GCG: variants seen among roughly 807,000 people sequenced by gnomAD.
GCG encodes the protein glucagon.
Under a neutral mutation model 22.8 loss-of-function variants are expected in GCG, and 11 were observed. That is an observed-to-expected ratio of 0.48 (90% CI 0.30 to 0.80). GCG has a LOEUF of 0.80. Among genes scored for constraint, GCG ranks in the 30% least tolerant of loss-of-function variants. The pLI is 0.06. For synonymous variants in GCG, 89 were observed against 72.4 expected (o/e 1.23, Z -1.16); for missense variants, 222 against 222.0 (o/e 1.00, Z 0.00).
At position 162,144,067 on chromosome 2, in the gene GCG, C is replaced by T. The variant is rs779177891; in HGVS notation, c.496G>A (p.Asp166Asn). The change falls in exon 5 of 6, where the codon GAC (aspartate) becomes AAC (asparagine). Residue 166 changes from aspartate to asparagine, a missense_variant. Coordinates refer to ENST00000418842, the MANE Select transcript of GCG (RefSeq NM_002054.5). ...NTILDNLAAR[D>N]FINWLIQTKI... Reference sequence around the variant, plus strand: ...GTCTGAATCAACCAGTTTATAAAGTCCCTGGCGGCAAGATTATCAAGAATG... The same window carrying T: ...GTCTGAATCAACCAGTTTATAAAGTTCCTGGCGGCAAGATTATCAAGAATG... The T allele has an allele frequency of 6.2e-7, 1 of 1,613,116 alleles. No homozygotes were observed. Among genetic ancestry groups the T allele is most frequent in the Non-Finnish European group, 8.5e-7 (1 of 1,179,282 alleles).
In GCG at chr2:162,143,260, T is replaced by G. The variant is rs1033902909; in HGVS notation, c.*104A>C. 7.9e-5 allele frequency: 38 copies of G among 482,512 alleles called. No homozygotes were observed. The highest frequency in any genetic ancestry group is 6.8e-4 in the African/African-American group (34 of 49,894). The allele number at this position is 482,512 out of a possible 1,614,324, so 29.9% of individuals were successfully genotyped here. A position where few individuals can be genotyped will look rare whatever the true frequency, so the allele number is the denominator to read the frequency against. On this transcript the variant is annotated 3_prime_UTR_variant, in exon 6 of 6. Coordinates refer to ENST00000418842, the MANE Select transcript of GCG (RefSeq NM_002054.5). ...ATTTATTTATTGGCATGCAAAGCAA[T>G]GTGGCCTCAGAATACACCTCTTAAA...
At chr2:162,146,271 C>G (rs1427731691) in intron 3 of GCG, among the ~76,000 whole-genome samples, 2 of 152,138 alleles carry the variant, frequency 1.3e-5, no homozygotes, top group African/African-American at 4.8e-5. Flanking sequence ...CCCATATCAC[C>G]TCATTTTAAA....
At chr2:162,145,163 GT>G (rs1317348729) in intron 4 of GCG, 3 of 158,856 alleles carry the variant, frequency 1.9e-5, no homozygotes, top group Non-Finnish European at 4.1e-5. Context: ...CATATTTGAA[GT>G]TTTCAGCACT....
In GCG at chr2:162,149,124, A is replaced by G; in HGVS notation, c.55T>C (p.Trp19Arg). The G allele has an allele frequency of 6.2e-7, 1 of 1,612,610 alleles. No individual in the cohort carries two copies. The highest frequency in any genetic ancestry group is 8.5e-7 in the Non-Finnish European group (1 of 1,178,838). Residue 19 changes from tryptophan to arginine, a missense_variant, in exon 2 of 6, where the codon TGG becomes CGG. Physicochemically the swap from Trp to Arg is moderately radical, Grantham distance 101. Coordinates refer to ENST00000418842, the MANE Select transcript of GCG (RefSeq NM_002054.5). ...GLFVMLVQGS[W>R]QRSLQDTEEK... ...TCTGTGTCTTGAAGGGAACGTTGCC[A>G]GCTGCCTTGTACCAGCATTACAAAT...
rs1273867774 is a variant in GCG, at chr2:162,144,144, TCAA to T, written c.416_418del (p.Val139del). 6.2e-7 allele frequency: 1 copy of T among 1,612,056 alleles called. No homozygotes were observed. The highest frequency in any genetic ancestry group is 1.7e-5 in the Admixed American group (1 of 59,976). ...ATCAGCATGTCTGCGGCCAAGTTCTTCAACAATGGCGACCTCTTCTGGGAAACT... is the reference window on the plus strand; with the variant it reads ...ATCAGCATGTCTGCGGCCAAGTTCTTCAATGGCGACCTCTTCTGGGAAACT... On this transcript the variant is annotated inframe_deletion, in exon 5 of 6. Transcript: ENST00000418842.
chr2:162,149,916 A>G (rs1233863268), intron 1 of GCG, among the ~76,000 whole-genome samples: 4 of 152,140 alleles, frequency 2.6e-5, no homozygotes, highest in Admixed American at 6.6e-5. Flanking sequence ...TGTAAAAAAA[A>G]ATTAGAGCTT....
intron 4 of GCG, chr2:162,144,832 A>T (rs1203630709): frequency 6.6e-6 from 1 of 152,156 alleles, no homozygotes; most frequent in Admixed American, 6.6e-5. Context: ...CTCCAAAAAA[A>T]ATCGGAAGAA....
intron 1 of GCG, among the ~76,000 whole-genome samples, chr2:162,151,503 T>A (rs181811749): frequency 1.3e-5 from 2 of 152,130 alleles, no homozygotes; most frequent in Non-Finnish European, 2.9e-5. Context: ...CTATTTATCC[T>A]CAATACATAG....
At chr2:162,144,232 T>C (rs1265444696) in intron 4 of GCG, 62 bp from the exon 5 acceptor site, 1 of 1,242,538 alleles carries the variant, frequency 8.0e-7, no homozygotes. Context: ...GATCACAGAT[T>C]GTCTACCACT....
chr2:162,145,608 A>C lies in GCG; in HGVS notation c.324T>G (p.Ser108Arg). The C allele has an allele frequency of 6.2e-7, 1 of 1,611,738 alleles. No homozygotes were observed. Among genetic ancestry groups the C allele is most frequent in the Non-Finnish European group, 8.5e-7 (1 of 1,178,518 alleles). ...TGGCAGCTTGGCCTTCCAAATAAGA[A>C]CTTACATCACTGGTAAAGGTCCCTT... ...HAEGTFTSDV[S>R]SYLEGQAAKE... The change falls in exon 4 of 6, where the codon AGT (serine) becomes AGG (arginine). Residue 108 changes from serine to arginine, a missense_variant. Ser to Arg is a moderately radical substitution (Grantham distance 110). Transcript: ENST00000418842.
Position 162,143,120 on chromosome 2 carries a change from A to G in GCG, c.*244T>C, listed in dbSNP as rs11552339. 7 of 366,300 alleles carry G rather than the reference A, an allele frequency of 1.9e-5. No individual in the cohort carries two copies. Among genetic ancestry groups the G allele is most frequent in the Non-Finnish European group, 3.5e-5 (7 of 198,974 alleles). 22.7% of individuals were successfully genotyped at this position (366,300 alleles called of 1,614,324 possible). ...AACAGGTTGGGGTACTTCATCCAAA[A>G]TAAGAAGAAAATAACAGAATCTAGC... On this transcript the variant is annotated 3_prime_UTR_variant, in exon 6 of 6. Transcript: ENST00000418842.
chr2:162,147,033 G>C (rs1002566192), intron 3 of GCG, among the ~76,000 whole-genome samples: 1 of 152,058 alleles, frequency 6.6e-6, no homozygotes, highest in African/African-American at 2.4e-5. Context: ...AATTAGATTG[G>C]TAACCTCGTA....
Position 162,145,602 on chromosome 2 carries a change from A to G in GCG, c.330T>C (p.Tyr110=), listed in dbSNP as rs766623256. ...ATTCCTTGGCAGCTTGGCCTTCCAA[A>G]TAAGAACTTACATCACTGGTAAAGG... ...EGTFTSDVSS[Y]LEGQAAKEFI... is the part of the protein sequence containing the mutation. Residue 110 remains tyrosine, a synonymous_variant, in exon 4 of 6, where the codon TAT becomes TAC. Coordinates refer to ENST00000418842, the MANE Select transcript of GCG (RefSeq NM_002054.5). The G allele has an allele frequency of 5.0e-6, 8 of 1,612,402 alleles. No individual in the cohort carries two copies. The highest frequency in any genetic ancestry group is 3.3e-5 in the Admixed American group (2 of 59,878).
chr2:162,149,908 T>TA (rs889131925), intron 1 of GCG, among the ~76,000 whole-genome samples: 3 of 151,446 alleles, frequency 2.0e-5, no homozygotes, highest in Admixed American at 6.6e-5. Context: ...GATTACTATG[T>TA]AAAAAAAAAT....
intron 2 of GCG, among the ~76,000 whole-genome samples, chr2:162,148,381 A>G (rs1178006935): frequency 6.6e-6 from 1 of 152,174 alleles, no homozygotes; most frequent in African/African-American, 2.4e-5. Context: ...TTTGTGGAAT[A>G]AATTTTAAGA....
At chr2:162,143,424 TTAA>T in intron 5 of GCG, 54 bp from the exon 6 acceptor site, 1 of 693,728 alleles carries the variant, frequency 1.4e-6, no homozygotes, top group Non-Finnish European at 2.4e-6. Context: ...GATGATATCA[TTAA>T]CTTATCCAGA....
intron 2 of GCG, among the ~76,000 whole-genome samples, 197 bp downstream of exon 2, chr2:162,148,890 C>T (rs1686762073): frequency 6.6e-6 from 1 of 150,836 alleles, no homozygotes; most frequent in Admixed American, 6.6e-5. Flanking sequence ...ACATTTCTCT[C>T]CCCTTTTATT....
chr2:162,145,709 C>T (rs1318364948), intron 3 of GCG, 32 bp from the exon 4 acceptor site: 1 of 1,598,964 alleles, frequency 6.3e-7, no homozygotes, highest in Non-Finnish European at 8.5e-7. Flanking sequence ...AATTGAAGAT[C>T]TGTCTCTTTG....
At chr2:162,150,136 A>G (rs1429618035) in intron 1 of GCG, among the ~76,000 whole-genome samples, 3 of 152,106 alleles carry the variant, frequency 2.0e-5, no homozygotes, top group Non-Finnish European at 1.5e-5. Flanking sequence ...TGAATGTGGG[A>G]CAGAATGTCC....
Sources: gnomAD v4.1 joint callset for allele counts (sites outside exome capture counted in the v4.1 genomes callset) on GRCh38, gnomAD v4.1.1 for gene constraint, MANE v1.5 for transcripts, NCBI Gene and HGNC (gene_info 2026-07-23, HGNC 2026-07-21) for gene names.